Variants in QRFPR observed in about 807,000 individuals in gnomAD.
QRFPR encodes pyroglutamylated RF-amide peptide receptor.
In QRFPR, 37 loss-of-function variants were observed where a neutral mutation model predicts 31.3. The observed-to-expected ratio is 1.18, with a 90% CI of 0.91 to 1.56. QRFPR has a LOEUF of 1.56. Ranked by LOEUF, QRFPR falls within the 40% of genes most tolerant of loss-of-function variation. The pLI is 0.00. For missense variants in QRFPR, 542 were observed against 532.5 expected (o/e 1.02, Z -0.18); for synonymous variants, 197 against 192.0 (o/e 1.03, Z -0.22).
intron 1 of QRFPR, among the ~76,000 whole-genome samples, chr4:121,365,410 C>T (rs190578946): frequency 0.02 from 2,535 of 129,088 alleles, 179 homozygotes; most frequent in African/African-American, 0.073. Flanking sequence ...GCCGAGATCA[C>T]GCCACCGCAC....
At chr4:121,343,013 C>T (rs773969225) in intron 1 of QRFPR, among the ~76,000 whole-genome samples, 18 of 152,184 alleles carry the variant, frequency 1.2e-4, no homozygotes, top group Non-Finnish European at 2.2e-4. Context: ...ATTTGCTATG[C>T]TTTTCAGAAC....
chr4:121,348,898 C>A (rs1037601794), intron 1 of QRFPR, among the ~76,000 whole-genome samples: 1 of 152,038 alleles, frequency 6.6e-6, no homozygotes, highest in Non-Finnish European at 1.5e-5. Flanking sequence ...GAGATTGAGA[C>A]CATCCTGGCT....
At chr4:121,333,696 A>G (rs1252285029) in intron 3 of QRFPR, among the ~76,000 whole-genome samples, 1 of 152,242 alleles carries the variant, frequency 6.6e-6, no homozygotes, top group East Asian at 1.9e-4. Flanking sequence ...TGGTAGACTC[A>G]TCTTATAAGC....
In QRFPR at chr4:121,329,453, G is replaced by T; in HGVS notation, c.1157C>A (p.Thr386Asn). 1 of 1,614,076 alleles carries T rather than the reference G, an allele frequency of 6.2e-7. No homozygotes were observed. Among genetic ancestry groups the T allele is most frequent in the Non-Finnish European group, 8.5e-7 (1 of 1,179,994 alleles). The change falls in exon 6 of 6, where the codon ACC becomes AAC. Residue 386 changes from threonine (T) to asparagine (N), a missense_variant. By Grantham distance (65) the Thr-to-Asn change is moderately conservative. Coordinates refer to ENST00000394427, the MANE Select transcript of QRFPR (RefSeq NM_198179.3). ...GCCATCACTGAATGCTTCTCCTTTGGTTTCCTCCACTGGATTCTCTCTGAG... is the reference window on the plus strand; with the variant it reads ...GCCATCACTGAATGCTTCTCCTTTGTTTTCCTCCACTGGATTCTCTCTGAG... The part of the protein sequence containing the change: ...FSLRENPVEE[T>N]KGEAFSDGNI...
intron 1 of QRFPR, among the ~76,000 whole-genome samples, chr4:121,363,241 A>G (rs691489): frequency 1 from 149,266 of 149,878 alleles, 74,371 homozygotes; most frequent in East Asian, 1. Context: ...CAGGAGAATC[A>G]CTTGAACCTG....
chr4:121,364,050 A>C (rs1726039114), intron 1 of QRFPR, among the ~76,000 whole-genome samples: 1 of 150,116 alleles, frequency 6.7e-6, no homozygotes, highest in Non-Finnish European at 1.5e-5. Context: ...TAATCAAGTC[A>C]AGGAACATTC....
intron 3 of QRFPR, among the ~76,000 whole-genome samples, chr4:121,333,870 G>C (rs1463890744): frequency 6.6e-6 from 1 of 152,170 alleles, no homozygotes; most frequent in Non-Finnish European, 1.5e-5. Context: ...TTACTGTGGA[G>C]CTGAATACTT....
intron 4 of QRFPR, among the ~76,000 whole-genome samples, chr4:121,331,653 ATTATTG>A (rs1390530595): frequency 0.022 from 2,356 of 108,768 alleles, 77 homozygotes; most frequent in African/African-American, 0.064. Flanking sequence ...TATTATTATT[ATTATTG>A]TTATTATTAT....
intron 1 of QRFPR, among the ~76,000 whole-genome samples, chr4:121,358,365 C>T (rs1339149360): frequency 1.3e-5 from 2 of 152,130 alleles, no homozygotes; most frequent in African/African-American, 4.8e-5. Context: ...TTCAAAACTA[C>T]CAACACAATA....
intron 5 of QRFPR, 151 bp downstream of exon 5, chr4:121,330,275 T>C: frequency 3.3e-6 from 2 of 615,370 alleles, no homozygotes; most frequent in Non-Finnish European, 5.8e-6. Context: ...TACCACATAA[T>C]GACCTTGTGA....
At chr4:121,373,333 A>T (rs1228622097) in intron 1 of QRFPR, among the ~76,000 whole-genome samples, 1 of 152,168 alleles carries the variant, frequency 6.6e-6, no homozygotes, top group African/African-American at 2.4e-5. Flanking sequence ...CCTACCAAAA[A>T]AATTTAGTGA....
chr4:121,380,202 A>T (rs1187828750), intron 1 of QRFPR, 106 bp downstream of exon 1: 1 of 197,824 alleles, frequency 5.1e-6, no homozygotes, highest in Non-Finnish European at 1.0e-5. Context: ...AGAGAGAGAG[A>T]GAGAGAGAGA....
At chr4:121,344,562 T>C (rs1452892235) in intron 1 of QRFPR, among the ~76,000 whole-genome samples, 1 of 152,212 alleles carries the variant, frequency 6.6e-6, no homozygotes, top group African/African-American at 2.4e-5. Flanking sequence ...TTATCTAGGA[T>C]GTAGATTTGA....
In QRFPR at chr4:121,359,690, T is replaced by A. The variant is rs562127494; in HGVS notation, c.341-19080A>T. ...ATATATGTGTGTGTATATATGTGTG[T>A]ATATATGTGTGTATGTGTGTGTGTG... is the stretch of plus-strand genomic sequence containing the variant. On this transcript the variant is annotated intron_variant, in intron 1 of 5. Transcript: ENST00000394427. Among the ~76,000 whole-genome samples the A allele has an allele frequency of 2.6e-5, 4 of 151,812 alleles. No homozygotes were observed. In the South Asian group the frequency reaches 8.3e-4, roughly 32 times the overall value.
At chr4:121,334,679 T>C in intron 3 of QRFPR, 1 of 343,214 alleles carries the variant, frequency 2.9e-6, no homozygotes, top group South Asian at 2.5e-5. Context: ...ACATTTTTCA[T>C]ACAGTAAGGA....
At chr4:121,379,554 A>G (rs1726428655) in intron 1 of QRFPR, among the ~76,000 whole-genome samples, 2 of 152,136 alleles carry the variant, frequency 1.3e-5, no homozygotes, top group South Asian at 2.1e-4. Flanking sequence ...CTCAAGAAAT[A>G]TATCTTTTTT....
At chr4:121,348,782 T>C (rs1037570683) in intron 1 of QRFPR, among the ~76,000 whole-genome samples, 1 of 152,164 alleles carries the variant, frequency 6.6e-6, no homozygotes, top group Admixed American at 6.5e-5. Context: ...TATTGTCAGC[T>C]TGATTTTTGC....
At chr4:121,365,568 TATATA>T (rs1560743798) in intron 1 of QRFPR, among the ~76,000 whole-genome samples, 964 of 3,728 alleles carry the variant, frequency 0.26, 431 homozygotes, top group East Asian at 0.85. Flanking sequence ...ATATATATTA[TATATA>T]ATATATATTA....
intron 2 of QRFPR, among the ~76,000 whole-genome samples, chr4:121,339,510 T>C (rs1032819549): frequency 6.6e-6 from 1 of 152,196 alleles, no homozygotes; most frequent in Non-Finnish European, 1.5e-5. Flanking sequence ...AATGTGCCTT[T>C]GCCAGGCATC....
Sources: allele counts gnomAD v4.1 joint callset (sites outside exome capture counted in the v4.1 genomes callset), GRCh38; gene constraint gnomAD v4.1.1; transcripts MANE v1.5; gene names NCBI Gene and HGNC (gene_info 2026-07-23, HGNC 2026-07-21).